Variants in PPP1R12B observed in about 807,000 individuals in gnomAD.
PPP1R12B encodes the protein myosin phosphatase target subunit 2.
PPP1R12B carries 76 observed loss-of-function variants against 126.1 expected under a neutral mutation model. That is an observed-to-expected ratio of 0.60 (90% CI 0.50 to 0.73). The LOEUF (loss-of-function observed/expected upper bound fraction) is 0.73. Ranked by LOEUF, PPP1R12B falls within the 30% of genes least tolerant of loss-of-function variation. PPP1R12B has a pLI of 0.00. For synonymous variants in PPP1R12B, 356 were observed against 434.7 expected (o/e 0.82, Z 2.25); for missense variants, 1,052 against 1,205.1 (o/e 0.87, Z 1.88).
At chr1:202,415,490 A>C (rs1225343882) in intron 1 of PPP1R12B, among the ~76,000 whole-genome samples, 1 of 152,158 alleles carries the variant, frequency 6.6e-6, no homozygotes, top group Non-Finnish European at 1.5e-5. Context: ...TTAAAAAGGG[A>C]GTCTCATTTG....
chr1:202,433,910 A>G (rs77836345), intron 8 of PPP1R12B, among the ~76,000 whole-genome samples: 65 of 152,310 alleles, frequency 4.3e-4, no homozygotes, highest in African/African-American at 1.5e-3. Context: ...TCTCAGCTCA[A>G]TGCCTGGTAC....
intron 23 of PPP1R12B, among the ~76,000 whole-genome samples, chr1:202,569,532 A>G (rs577919149): frequency 6.6e-6 from 1 of 152,334 alleles, no homozygotes; most frequent in Non-Finnish European, 1.5e-5. Flanking sequence ...TGAGAAGGCT[A>G]GAACAAGTTT....
intron 1 of PPP1R12B, among the ~76,000 whole-genome samples, chr1:202,410,860 C>T (rs1181542702): frequency 1.3e-5 from 2 of 152,084 alleles, no homozygotes; most frequent in East Asian, 1.9e-4. Context: ...TAGTAAAATT[C>T]GATGTGTCTT....
chr1:202,386,115 G>A (rs1435520661), intron 1 of PPP1R12B, among the ~76,000 whole-genome samples: 3 of 149,674 alleles, frequency 2.0e-5, no homozygotes, highest in African/African-American at 4.9e-5. Context: ...TTGTGTTTTC[G>A]GTAGAGACGG....
intron 13 of PPP1R12B, among the ~76,000 whole-genome samples, chr1:202,456,431 G>A (rs1673649386): frequency 6.6e-6 from 1 of 152,252 alleles, no homozygotes; most frequent in East Asian, 1.9e-4. Flanking sequence ...GGAACTCTCA[G>A]ATGACAAAAG....
intron 1 of PPP1R12B, among the ~76,000 whole-genome samples, chr1:202,390,782 A>T (rs1664029705): frequency 6.6e-6 from 1 of 151,668 alleles, no homozygotes; most frequent in South Asian, 2.1e-4. Context: ...GGCATGAGCC[A>T]CCACCACTCC....
chr1:202,404,539 T>C (rs1433886102), intron 1 of PPP1R12B, among the ~76,000 whole-genome samples: 1 of 152,172 alleles, frequency 6.6e-6, no homozygotes, highest in African/African-American at 2.4e-5. Flanking sequence ...TCTCACTCTA[T>C]TGCCCAGGCT....
At chr1:202,371,521 C>T (rs533115916) in intron 1 of PPP1R12B, among the ~76,000 whole-genome samples, 11 of 151,618 alleles carry the variant, frequency 7.3e-5, no homozygotes, top group African/African-American at 2.7e-4. Flanking sequence ...GTCTTTTGTA[C>T]ATTAAATTTG....
intron 13 of PPP1R12B, among the ~76,000 whole-genome samples, chr1:202,478,128 G>A (rs1676910632): frequency 6.6e-6 from 1 of 152,226 alleles, no homozygotes; most frequent in Admixed American, 6.5e-5. Context: ...GGAGTGTGGA[G>A]TGAGGGCTTG....
intron 18 of PPP1R12B, among the ~76,000 whole-genome samples, chr1:202,531,103 T>C (rs537254150): frequency 9.9e-4 from 151 of 152,202 alleles, no homozygotes; most frequent in African/African-American, 3.4e-3. Flanking sequence ...TTAAACAGGA[T>C]TGAGATGGAA....
intron 13 of PPP1R12B, among the ~76,000 whole-genome samples, chr1:202,478,360 A>G (rs550787865): frequency 1.3e-5 from 2 of 152,366 alleles, no homozygotes; most frequent in Admixed American, 6.5e-5. Context: ...CTTAGTCTCT[A>G]CTGAAAACGT....
intron 18 of PPP1R12B, among the ~76,000 whole-genome samples, chr1:202,518,806 G>C (rs1307353068): frequency 6.6e-6 from 1 of 152,176 alleles, no homozygotes; most frequent in Non-Finnish European, 1.5e-5. Flanking sequence ...AGACTGCTCA[G>C]TGGCTATTTC....
intron 13 of PPP1R12B, among the ~76,000 whole-genome samples, chr1:202,457,387 T>TA (rs1328308759): frequency 6.6e-6 from 1 of 151,554 alleles, no homozygotes; most frequent in Non-Finnish European, 1.5e-5. Context: ...CCATCTCTAC[T>TA]AAAAAAATAC....
At chr1:202,568,278 G>A (rs74717332) in intron 22 of PPP1R12B, among the ~76,000 whole-genome samples, 3,507 of 152,080 alleles carry the variant, frequency 0.023, 136 homozygotes, top group African/African-American at 0.078. Context: ...TAGGTCTTAC[G>A]ACTTGAAACA....
intron 6 of PPP1R12B, among the ~76,000 whole-genome samples, chr1:202,429,308 ACTAT>A (rs1669921669): frequency 6.6e-6 from 1 of 152,222 alleles, no homozygotes. Context: ...TGACTAAAAG[ACTAT>A]CTTTATTTAA....
At chr1:202,549,295 G>C (rs754947927) in intron 18 of PPP1R12B, among the ~76,000 whole-genome samples, 1 of 151,980 alleles carries the variant, frequency 6.6e-6, no homozygotes, top group African/African-American at 2.4e-5. Flanking sequence ...CACTAAGCTT[G>C]TTCCTTCCAT....
intron 19 of PPP1R12B, chr1:202,562,523 G>T: frequency 1.7e-6 from 1 of 597,456 alleles, no homozygotes. Flanking sequence ...TCAGCTCATA[G>T]GTCCAAACCA....
At chr1:202,358,968 A>C (rs1025423944) in intron 1 of PPP1R12B, among the ~76,000 whole-genome samples, 3 of 152,164 alleles carry the variant, frequency 2.0e-5, no homozygotes, top group Non-Finnish European at 4.4e-5. Flanking sequence ...TTATTGGTCT[A>C]GTGACTCTCT....
rs373393500 is a variant in PPP1R12B at position 202,444,960 on chromosome 1, G to T, written c.1667+2388G>T. On this transcript the variant is annotated intron_variant, in intron 12 of 23. Coordinates refer to ENST00000608999, the MANE Select transcript of PPP1R12B (RefSeq NM_002481.4). ...TTTCTTTGGTCTATATTCATTTCAAGTGCACAATCTGGGTGGGAAGGTGGT... is the reference window on the plus strand; with the variant it reads ...TTTCTTTGGTCTATATTCATTTCAATTGCACAATCTGGGTGGGAAGGTGGT... The T allele has an allele frequency of 2.2e-5, 24 of 1,115,508 alleles. No homozygotes were observed. The Admixed American group carries it at 3.0e-4, about 14-fold the overall frequency. The allele number at this position is 1,115,508 out of a possible 1,614,324, so 69.1% of individuals were successfully genotyped here. A position where few individuals can be genotyped will look rare whatever the true frequency, so the allele number is the denominator to read the frequency against.
Sources: allele counts gnomAD v4.1 joint callset (sites outside exome capture counted in the v4.1 genomes callset), GRCh38; gene constraint gnomAD v4.1.1; transcripts MANE v1.5; gene names NCBI Gene and HGNC (gene_info 2026-07-23, HGNC 2026-07-21).